SCAF8: variants seen among roughly 807,000 people sequenced by gnomAD.
SCAF8 encodes the protein SR-related and CTD-associated factor 8.
Under a neutral mutation model 140.5 loss-of-function variants are expected in SCAF8, and 23 were observed. The ratio of observed to expected loss-of-function variants is 0.16; its 90% CI spans 0.12 to 0.23. The LOEUF (loss-of-function observed/expected upper bound fraction) is 0.23. Ranked by LOEUF, SCAF8 falls within the 10% of genes least tolerant of loss-of-function variation. The probability of loss-of-function intolerance (pLI) is 1.00; values close to 1 mark genes in which losing one functional copy is unlikely to be tolerated. For missense variants in SCAF8, 1,397 were observed against 1,555.7 expected, an observed-to-expected ratio of 0.90 and a Z score of 1.72; for synonymous variants, 575 against 528.9, an observed-to-expected ratio of 1.09 and a Z score of -1.20.
chr6:154,817,303 G>A (rs969738901), intron 13 of SCAF8, among the ~76,000 whole-genome samples: 2 of 152,160 alleles, frequency 1.3e-5, no homozygotes, highest in African/African-American at 2.4e-5. Context: ...GTAGCATTTT[G>A]GATTTTCCTG....
intron 1 of SCAF8, among the ~76,000 whole-genome samples, chr6:154,769,454 A>G (rs938191380): frequency 1.3e-5 from 2 of 152,194 alleles, no homozygotes; most frequent in Admixed American, 1.3e-4. Flanking sequence ...TCATTACCCT[A>G]GTAATATAAA....
chr6:154,808,649 G>A (rs763490140), intron 10 of SCAF8, 37 bp from the exon 11 acceptor site: 2 of 1,081,540 alleles, frequency 1.8e-6, no homozygotes, highest in Non-Finnish European at 2.6e-6. Context: ...GTCTCAACCA[G>A]CCTTTCTGTT....
intron 9 of SCAF8, 37 bp from the exon 10 acceptor site, chr6:154,808,033 C>T (rs769616787): frequency 1.8e-5 from 28 of 1,563,774 alleles, no homozygotes; most frequent in South Asian, 5.9e-5. Context: ...CAAAAAGTAT[C>T]TCCCAATCTT....
intron 3 of SCAF8, among the ~76,000 whole-genome samples, chr6:154,782,330 G>A (rs1002724025): frequency 1.3e-5 from 2 of 152,166 alleles, no homozygotes; most frequent in African/African-American, 4.8e-5. Context: ...GATTGCTTGA[G>A]GCTTGAGTTC....
intron 1 of SCAF8, among the ~76,000 whole-genome samples, chr6:154,756,132 A>G (rs1778960489): frequency 6.6e-6 from 1 of 152,184 alleles, no homozygotes; most frequent in Admixed American, 6.5e-5. Context: ...TCTTGTGTTA[A>G]TGAGGAAAAG....
At chr6:154,789,544 ATTTTTTTT>A (rs905985637) in intron 4 of SCAF8, among the ~76,000 whole-genome samples, 70 of 136,828 alleles carry the variant, frequency 5.1e-4, no homozygotes, top group African/African-American at 1.8e-3. Context: ...AATGCTTCTA[ATTTTTTTT>A]TTTTTTTTTT....
intron 9 of SCAF8, among the ~76,000 whole-genome samples, chr6:154,806,477 G>A (rs575860001): frequency 1.9e-3 from 295 of 152,274 alleles, no homozygotes; most frequent in African/African-American, 6.6e-3. Flanking sequence ...TACATACAGA[G>A]ATGAACAGAA....
intron 4 of SCAF8, among the ~76,000 whole-genome samples, chr6:154,790,971 T>C (rs564604218): frequency 5.3e-5 from 8 of 152,320 alleles, no homozygotes; most frequent in Non-Finnish European, 1.0e-4. Flanking sequence ...AAAATAGTTA[T>C]TACATAATCA....
chr6:154,799,140 G>C (rs962652206), intron 6 of SCAF8, among the ~76,000 whole-genome samples: 1 of 150,742 alleles, frequency 6.6e-6, no homozygotes, highest in Admixed American at 6.6e-5. Context: ...ACCACGCCGA[G>C]CTAATTTTTG....
chr6:154,762,987 A>G (rs1220845527), intron 1 of SCAF8, among the ~76,000 whole-genome samples: 2 of 151,956 alleles, frequency 1.3e-5, no homozygotes, highest in Non-Finnish European at 2.9e-5. Context: ...TAATACCTCT[A>G]TTTGGGGTGG....
Position 154,757,010 on chromosome 6 carries a change from T to TGAG in SCAF8, c.31-16977_31-16975dup, listed in dbSNP as rs541989064. On this transcript the variant is annotated intron_variant, in intron 1 of 19. Transcript: ENST00000367178. ...CTGCACTCCAGCCTGGGTGACAGAG[T>TGAG]GAGGCCCTGTCTCAATAAATAAATA... Among the ~76,000 whole-genome samples the TGAG allele has an allele frequency of 1.1e-4, 17 of 151,942 alleles. No homozygotes were observed. In the South Asian group the frequency reaches 3.4e-3, roughly 30 times the overall value.
At chr6:154,757,486 G>C (rs573575570) in intron 1 of SCAF8, among the ~76,000 whole-genome samples, 1 of 152,292 alleles carries the variant, frequency 6.6e-6, no homozygotes, top group East Asian at 1.9e-4. Context: ...GAGAAAGCTG[G>C]ATAAACTGCT....
At chr6:154,817,032 T>G (rs916925529) in intron 13 of SCAF8, among the ~76,000 whole-genome samples, 10 of 112,104 alleles carry the variant, frequency 8.9e-5, no homozygotes, top group Non-Finnish European at 1.1e-4. Context: ...TTCTTTTGTC[T>G]TTTTAGATTT....
rs1292019659 is a variant in SCAF8 at position 154,833,136 on chromosome 6, C to A, written c.3557C>A (p.Thr1186Asn). ...NRLGRDRIQNTWVPPPHARVF... is the reference protein window; with the variant it reads ...NRLGRDRIQNNWVPPPHARVF... Reference sequence around the variant, plus strand: ...CTTGGACGAGACAGAATTCAAAACACTTGGGTTCCCCCTCCTCATGCTCGG... The same window carrying A: ...CTTGGACGAGACAGAATTCAAAACAATTGGGTTCCCCCTCCTCATGCTCGG... Residue 1186 changes from threonine to asparagine, a missense_variant, in exon 20 of 20, where the codon ACT becomes AAT. Around this residue, in one of 5 missense-constraint regions of SCAF8, gnomAD observed 930 missense variants for 874.6 expected, o/e 1.06. Coordinates refer to ENST00000367178, the MANE Select transcript of SCAF8 (RefSeq NM_014892.5). 1.2e-6 allele frequency: 2 copies of A among 1,614,078 alleles called. No homozygotes were observed. Among genetic ancestry groups the A allele is most frequent in the East Asian group, 4.5e-5 (2 of 44,868 alleles).
At chr6:154,735,221 A>G (rs969837991) in intron 1 of SCAF8, among the ~76,000 whole-genome samples, 21 of 152,096 alleles carry the variant, frequency 1.4e-4, no homozygotes, top group Admixed American at 2.6e-4. Flanking sequence ...TTTATTCGAT[A>G]CTATGATTGT....
intron 1 of SCAF8, among the ~76,000 whole-genome samples, chr6:154,768,012 T>C (rs1206586222): frequency 6.6e-6 from 1 of 152,212 alleles, no homozygotes; most frequent in African/African-American, 2.4e-5. Context: ...TATGCCTTTC[T>C]TATAACAATT....
Position 154,770,369 on chromosome 6 carries a change from T to TACAC in SCAF8, c.31-3603_31-3600dup, listed in dbSNP as rs1226898910. Among the ~76,000 whole-genome samples the TACAC allele has an allele frequency of 3.4e-3, 494 of 146,160 alleles. 1 individual carries two copies. Among genetic ancestry groups the TACAC allele is most frequent in the African/African-American group, 4.6e-3 (183 of 39,704 alleles). On this transcript the variant is annotated intron_variant, in intron 1 of 19. Coordinates refer to ENST00000367178, the MANE Select transcript of SCAF8 (RefSeq NM_014892.5). The stretch of plus-strand genomic sequence containing the variant: ...GTGCCAGCTACTTGAGAGGTTGAGG[T>TACAC]ACACACACACACACACACACTCTCT...
intron 1 of SCAF8, among the ~76,000 whole-genome samples, chr6:154,772,637 C>T (rs7757635): frequency 0.5 from 75,494 of 151,988 alleles, 19,497 homozygotes; most frequent in East Asian, 0.9. Flanking sequence ...TGCAGTGAGC[C>T]GTGATCATGC....
At chr6:154,794,778 GGGGTGTGTGTGTGTGTGTGTGT>G (rs1777543366) in intron 5 of SCAF8, among the ~76,000 whole-genome samples, 5 of 68,532 alleles carry the variant, frequency 7.3e-5, no homozygotes, top group Non-Finnish European at 8.7e-5. Flanking sequence ...GGGGGTGTGG[GGGGTGTGTGTGTGTGTGTGTGT>G]GTGTGTGTGT....
Sources: allele counts gnomAD v4.1 joint callset (sites outside exome capture counted in the v4.1 genomes callset), GRCh38; gene constraint gnomAD v4.1.1; regional missense constraint gnomAD v4.1.1; transcripts MANE v1.5; gene names NCBI Gene and HGNC (gene_info 2026-07-23, HGNC 2026-07-21).